The following TMEM132D variants were observed in gnomAD, a reference collection of about 807,000 sequenced individuals.
The protein encoded by TMEM132D is mature OL transmembrane protein.
In TMEM132D, 21 loss-of-function variants were observed where a neutral mutation model predicts 62.3. That is an observed-to-expected ratio of 0.34 (90% CI 0.24 to 0.49). TMEM132D has a LOEUF of 0.49. Ranked by LOEUF, TMEM132D falls within the 20% of genes least tolerant of loss-of-function variation. The pLI, the probability that TMEM132D is intolerant of heterozygous loss-of-function variation, is 0.99. For missense variants in TMEM132D, 1,346 were observed against 1,402.8 expected (o/e 0.96, Z 0.65); for synonymous variants, 621 against 575.6 (o/e 1.08, Z -1.13).
intron 2 of TMEM132D, among the ~76,000 whole-genome samples, chr12:129,625,179 T>C (rs931150287): frequency 1.3e-5 from 2 of 152,214 alleles, no homozygotes; most frequent in Non-Finnish European, 2.9e-5. Context: ...TCATACCTTT[T>C]ACCCATTTTC....
intron 1 of TMEM132D, among the ~76,000 whole-genome samples, chr12:129,860,154 G>A (rs987696021): frequency 4.6e-5 from 7 of 152,276 alleles, no homozygotes; most frequent in South Asian, 4.1e-4. Flanking sequence ...AGACTAACAC[G>A]GCCCCACTCT....
intron 1 of TMEM132D, among the ~76,000 whole-genome samples, chr12:129,811,952 C>G (rs756353787): frequency 1.3e-4 from 20 of 151,858 alleles, no homozygotes; most frequent in Non-Finnish European, 2.8e-4. Flanking sequence ...GCCCACCCAC[C>G]TGACACATAT....
intron 3 of TMEM132D, among the ~76,000 whole-genome samples, chr12:129,510,047 C>T (rs1331877844): frequency 2.0e-5 from 3 of 152,146 alleles, no homozygotes; most frequent in Non-Finnish European, 4.4e-5. Flanking sequence ...AACCTCCAAA[C>T]TATTCTGCAT....
chr12:129,383,987 G>C (rs544070087), intron 3 of TMEM132D, among the ~76,000 whole-genome samples: 4 of 152,320 alleles, frequency 2.6e-5, no homozygotes, highest in African/African-American at 7.2e-5. Flanking sequence ...CCTCCCGAAA[G>C]CTGTAGAACC....
intron 3 of TMEM132D, among the ~76,000 whole-genome samples, chr12:129,432,464 A>G (rs1452669049): frequency 1.3e-5 from 2 of 152,248 alleles, no homozygotes; most frequent in Admixed American, 6.5e-5. Context: ...AGTGCCTTAA[A>G]TCATGTCTGA....
chr12:129,818,362 GTGTGTGTA>G (rs1242082196), intron 1 of TMEM132D, among the ~76,000 whole-genome samples: 2 of 147,270 alleles, frequency 1.4e-5, no homozygotes, highest in Non-Finnish European at 3.0e-5. Context: ...TGTGGTGTAT[GTGTGTGTA>G]TGTGTGTGAG....
intron 3 of TMEM132D, among the ~76,000 whole-genome samples, chr12:129,488,524 A>G (rs1049646886): frequency 1.3e-5 from 2 of 151,976 alleles, no homozygotes; most frequent in African/African-American, 4.8e-5. Flanking sequence ...AATACAAAAA[A>G]ATAGCTGGGT....
chr12:129,541,403 G>A (rs925864171), intron 2 of TMEM132D, among the ~76,000 whole-genome samples: 2 of 152,140 alleles, frequency 1.3e-5, no homozygotes, highest in African/African-American at 2.4e-5. Flanking sequence ...ATTGTCTATG[G>A]ATTCATAGGA....
chr12:129,604,335 T>TA (rs1176389877), intron 2 of TMEM132D, among the ~76,000 whole-genome samples: 2 of 152,240 alleles, frequency 1.3e-5, no homozygotes, highest in African/African-American at 4.8e-5. Context: ...AAAGTAAAAT[T>TA]AAAAATATAT....
intron 4 of TMEM132D, among the ~76,000 whole-genome samples, chr12:129,235,009 C>A (rs1879739645): frequency 6.6e-6 from 1 of 152,102 alleles, no homozygotes; most frequent in Non-Finnish European, 1.5e-5. Flanking sequence ...ACACAGTGAG[C>A]TTTACTGCAT....
chr12:129,438,655 T>C (rs1301212009), intron 3 of TMEM132D, among the ~76,000 whole-genome samples: 1 of 152,114 alleles, frequency 6.6e-6, no homozygotes, highest in Non-Finnish European at 1.5e-5. Flanking sequence ...GGGCATCTGT[T>C]GGGAAGAAGG....
chr12:129,208,006 C>G (rs1593296415), intron 5 of TMEM132D, among the ~76,000 whole-genome samples: 1 of 152,168 alleles, frequency 6.6e-6, no homozygotes, highest in South Asian at 2.1e-4. Flanking sequence ...GGTCTTATTT[C>G]TTCTTTCAAA....
chr12:129,144,348 CA>C (rs1041251320), intron 5 of TMEM132D, among the ~76,000 whole-genome samples: 2 of 152,098 alleles, frequency 1.3e-5, no homozygotes, highest in African/African-American at 2.4e-5. Flanking sequence ...GGTGTAATGT[CA>C]AAATGATTTC....
chr12:129,361,371 G>T (rs1160453464), intron 3 of TMEM132D, among the ~76,000 whole-genome samples: 1 of 152,178 alleles, frequency 6.6e-6, no homozygotes, highest in African/African-American at 2.4e-5. Flanking sequence ...CTGCAGATTT[G>T]CAAGGGAGCA....
chr12:129,584,536 T>A (rs1877966085), intron 2 of TMEM132D, among the ~76,000 whole-genome samples: 1 of 152,184 alleles, frequency 6.6e-6, no homozygotes, highest in Non-Finnish European at 1.5e-5. Context: ...TGGCCTCTGG[T>A]TCGTGGCAAG....
At chr12:129,426,100 C>T (rs1221856029) in intron 3 of TMEM132D, among the ~76,000 whole-genome samples, 3 of 152,172 alleles carry the variant, frequency 2.0e-5, no homozygotes, top group African/African-American at 7.2e-5. Flanking sequence ...TGTTCAGCTG[C>T]CTGTAACTCA....
At chr12:129,226,456 C>T (rs542847098) in intron 4 of TMEM132D, among the ~76,000 whole-genome samples, 26 of 152,336 alleles carry the variant, frequency 1.7e-4, no homozygotes, top group Admixed American at 5.9e-4. Flanking sequence ...CTGTCTGCCG[C>T]GGCACCAGAC....
At chr12:129,321,555 ATCTTT>A (rs1868706147) in intron 4 of TMEM132D, among the ~76,000 whole-genome samples, 1 of 150,508 alleles carries the variant, frequency 6.6e-6, no homozygotes, top group Non-Finnish European at 1.5e-5. Context: ...CATGAGGCAG[ATCTTT>A]TCTTTTTTTT....
chr12:129,098,727 C>T (rs1875194381), intron 5 of TMEM132D, among the ~76,000 whole-genome samples: 1 of 152,324 alleles, frequency 6.6e-6, no homozygotes, highest in East Asian at 1.9e-4. Flanking sequence ...TACATCTCCA[C>T]TGGAGAGGTG....
Sources: allele counts gnomAD v4.1 joint callset (sites outside exome capture counted in the v4.1 genomes callset), GRCh38; gene constraint gnomAD v4.1.1; transcripts MANE v1.5; gene names NCBI Gene and HGNC (gene_info 2026-07-23, HGNC 2026-07-21).